DST: variants seen among roughly 807,000 people sequenced by gnomAD.
The protein encoded by DST is bullous pemphigoid antigen.
In DST, 253 loss-of-function variants were observed where a neutral mutation model predicts 875.2. The ratio of observed to expected loss-of-function variants is 0.29; its 90% CI spans 0.26 to 0.32. The LOEUF (loss-of-function observed/expected upper bound fraction) is 0.32. Ranked by LOEUF, DST falls within the 10% of genes least tolerant of loss-of-function variation. DST has a pLI of 1.00. For missense variants in DST, 8,287 were observed against 9,111.6 expected, an observed-to-expected ratio of 0.91 and a Z score of 3.68; for synonymous variants, 3,124 against 3,197.1, an observed-to-expected ratio of 0.98 and a Z score of 0.77.
intron 77 of DST, 140 bp from the exon 78 acceptor site, chr6:56,504,238 T>C (rs1383167647): frequency 1.6e-6 from 1 of 611,914 alleles, no homozygotes; most frequent in African/African-American, 1.9e-5. Context: ...TTAACATGGT[T>C]CACCTAAATT....
In DST at chr6:56,628,026, G is replaced by A. The variant is rs776953508; in HGVS notation, c.4611C>T (p.Thr1537=). 1 of 1,613,792 alleles carries A rather than the reference G, an allele frequency of 6.2e-7. No individual in the cohort carries two copies. The highest frequency in any genetic ancestry group is 1.3e-5 in the African/African-American group (1 of 75,000). Residue 1537 remains threonine (T), a synonymous_variant, in exon 33 of 104, where the codon ACC becomes ACT. Transcript: ENST00000680361. The part of the protein sequence containing the change: ...IQENQPENSK[T]LATQLNQQKM... Reference sequence around the variant, plus strand: ...TCTGTTGATTCAACTGTGTGGCTAGGGTTTTACTATTTTCAGGCTGATTTT... The same window carrying A: ...TCTGTTGATTCAACTGTGTGGCTAGAGTTTTACTATTTTCAGGCTGATTTT...
At position 56,570,210 on chromosome 6, in the gene DST, C is replaced by T. The variant is rs539288723; in HGVS notation, c.13722-198G>A. 1.8e-4 allele frequency among the ~76,000 whole-genome samples: 27 copies of T among 152,058 alleles called. No individual in the cohort carries two copies. The South Asian group carries it at 4.6e-3, about 26-fold the overall frequency. On this transcript the variant is annotated intron_variant, in intron 53 of 103. Transcript: ENST00000680361. ...CCTTTCAGGTACCAGGGACCAGTTT[C>T]GTAGAAGATAATTTTTTCCACAGGC...
chr6:56,528,770 C>T (rs2096845607), intron 67 of DST, 71 bp downstream of exon 67: 2 of 1,123,852 alleles, frequency 1.8e-6, no homozygotes, highest in Middle Eastern at 2.8e-4. Context: ...GGTTTTTTCC[C>T]ATCCCTAAAA....
chr6:56,557,372 C>G lies in DST; in HGVS notation c.14587G>C (p.Gly4863Arg). The change falls in exon 59 of 104, where the codon GGG becomes CGG. Residue 4863 changes from glycine (G) to arginine (R), a missense_variant. Coordinates refer to ENST00000680361, the MANE Select transcript of DST (RefSeq NM_001374736.1). ...VEKELMVSVLGPLSIDPNMLN... is the reference protein window; with the variant it reads ...VEKELMVSVLRPLSIDPNMLN... ...ATATTTGGGTCAATTGACAAGGGCC[C>G]AAGAACACTGACCATAAGTTCTTTT... The G allele has an allele frequency of 6.2e-7, 1 of 1,613,720 alleles. No individual in the cohort carries two copies. Among genetic ancestry groups the G allele is most frequent in the Non-Finnish European group, 8.5e-7 (1 of 1,179,712 alleles).
At chr6:56,490,958 A>G (rs1303605295) in intron 85 of DST, among the ~76,000 whole-genome samples, 1 of 152,220 alleles carries the variant, frequency 6.6e-6, no homozygotes, top group Non-Finnish European at 1.5e-5. Flanking sequence ...AGGAGGAAAA[A>G]GATGAGCAAC....
At chr6:56,529,326 C>A in intron 66 of DST, 122 bp downstream of exon 66, 2 of 852,580 alleles carry the variant, frequency 2.3e-6, no homozygotes, top group East Asian at 5.5e-5. Flanking sequence ...TATAAACAGT[C>A]TTTTTTTAAG....
In DST at chr6:56,608,380, G is replaced by A. The variant is rs771965496; in HGVS notation, c.6248C>T (p.Thr2083Ile). The A allele has an allele frequency of 6.2e-6, 10 of 1,613,062 alleles. No individual in the cohort carries two copies. The East Asian group carries it at 1.6e-4, about 25-fold the overall frequency. The change falls in exon 40 of 104, where the codon ACA becomes ATA. Residue 2083 changes from threonine (T) to isoleucine (I), a missense_variant. This residue lies in a region of DST where 3,138 missense variants were observed against 3,116.6 expected (regional missense o/e 1.01). Transcript: ENST00000680361. ...CAATTCTTGCTGCAAGGAAGATGAT[G>A]TGGGAAATATTTCACCAGAATGGGG... ...IWPHSGEIFP[T>I]SSSLQQELIT...
At chr6:56,619,039 T>C (rs1447887083) in intron 36 of DST, 1 of 1,614,220 alleles carries the variant, frequency 6.2e-7, no homozygotes, top group African/African-American at 1.3e-5. Flanking sequence ...GGTCACACTT[T>C]TGCTTAAATT....
At chr6:56,721,408 C>CT (rs1563863667) in intron 5 of DST, among the ~76,000 whole-genome samples, 2 of 152,226 alleles carry the variant, frequency 1.3e-5, no homozygotes, top group African/African-American at 4.8e-5. Context: ...AGGGTATTGA[C>CT]TGGGGAAGTG....
At chr6:56,702,885 G>C (rs2099316012) in intron 7 of DST, among the ~76,000 whole-genome samples, 1 of 152,132 alleles carries the variant, frequency 6.6e-6, no homozygotes, top group African/African-American at 2.4e-5. Flanking sequence ...GGTGCCATAA[G>C]AAAACAGACA....
intron 2 of DST, among the ~76,000 whole-genome samples, chr6:56,901,147 T>C (rs140810042): frequency 2.6e-5 from 4 of 152,028 alleles, no homozygotes; most frequent in Middle Eastern, 3.4e-3. Flanking sequence ...GCACAAAGGG[T>C]ATGGGTTTGG....
chr6:56,664,375 A>G lies in DST; in HGVS notation c.1214+6266T>C, dbSNP rs963484612. Among the ~76,000 whole-genome samples the G allele has an allele frequency of 2.0e-5, 3 of 152,192 alleles. No homozygotes were observed. The East Asian group carries it at 5.8e-4, about 29-fold the overall frequency. Reference sequence around the variant, plus strand: ...AAGTCAGAGCTTTACCTCTCTCAAAAAGAAGTCAATTTTACTGTGATGCCT... The same window carrying G: ...AAGTCAGAGCTTTACCTCTCTCAAAGAGAAGTCAATTTTACTGTGATGCCT... On this transcript the variant is annotated intron_variant, in intron 10 of 103. Coordinates refer to ENST00000680361, the MANE Select transcript of DST (RefSeq NM_001374736.1).
intron 9 of DST, among the ~76,000 whole-genome samples, chr6:56,672,212 C>G (rs921890036): frequency 6.6e-6 from 1 of 152,200 alleles, no homozygotes; most frequent in Non-Finnish European, 1.5e-5. Context: ...GCAGTGAAAG[C>G]CCTTGCCAGG....
In DST at chr6:56,458,604, G is replaced by T. The variant is rs2094174147; in HGVS notation, c.*401C>A. The T allele has an allele frequency of 6.4e-6, 1 of 155,594 alleles. No individual in the cohort carries two copies. The highest frequency in any genetic ancestry group is 6.5e-5 in the Admixed American group (1 of 15,464). 9.6% of individuals were successfully genotyped at this position (155,594 alleles called of 1,614,324 possible). On this transcript the variant is annotated 3_prime_UTR_variant, in exon 104 of 104. Transcript: ENST00000680361. The stretch of plus-strand genomic sequence containing the variant: ...TAAATCATCTCAAAAAATATCCCCT[G>T]CATGTATCATTCAGCTTCTCAGAGT...
chr6:56,876,423 A>G (rs1318159727), intron 3 of DST, among the ~76,000 whole-genome samples: 3 of 151,820 alleles, frequency 2.0e-5, no homozygotes, highest in Non-Finnish European at 4.4e-5. Flanking sequence ...CAAAAATGTG[A>G]CCTCCAATTT....
At chr6:56,476,760 T>C (rs2095213131) in intron 91 of DST, among the ~76,000 whole-genome samples, 1 of 152,120 alleles carries the variant, frequency 6.6e-6, no homozygotes, top group Non-Finnish European at 1.5e-5. Context: ...AAGATCAGCC[T>C]GACCAACCTG....
chr6:56,569,930 T>C lies in DST; in HGVS notation c.13804A>G (p.Thr4602Ala). ...VKSLKSWIKE[T>A]TKKVPIVQPS... ...TGTACAATGGGAACTTTTTTTGTTGTTTCTTTTATCCATGACTTCAATGAT... is the reference window on the plus strand; with the variant it reads ...TGTACAATGGGAACTTTTTTTGTTGCTTCTTTTATCCATGACTTCAATGAT... The change falls in exon 54 of 104, where the codon ACA (threonine) becomes GCA (alanine). Residue 4602 changes from threonine to alanine, a missense_variant. This residue lies in a region of DST where 1,513 missense variants were observed against 1,677.8 expected (regional missense o/e 0.90). Coordinates refer to ENST00000680361, the MANE Select transcript of DST (RefSeq NM_001374736.1). 6.2e-7 allele frequency: 1 copy of C among 1,611,930 alleles called. No individual in the cohort carries two copies. Among genetic ancestry groups the C allele is most frequent in the Non-Finnish European group, 8.5e-7 (1 of 1,179,176 alleles).
At chr6:56,711,064 C>A (rs1461252839) in intron 5 of DST, among the ~76,000 whole-genome samples, 1 of 151,882 alleles carries the variant, frequency 6.6e-6, no homozygotes, top group Admixed American at 6.6e-5. Flanking sequence ...GTGTCTACTT[C>A]TTTGGACCTG....
intron 3 of DST, among the ~76,000 whole-genome samples, chr6:56,891,744 A>C (rs958869476): frequency 6.7e-6 from 1 of 148,636 alleles, no homozygotes; most frequent in Non-Finnish European, 1.5e-5. Context: ...AAAAAAAAGA[A>C]AACTCCTCGG....
Sources: gnomAD v4.1 joint callset for allele counts (sites outside exome capture counted in the v4.1 genomes callset) on GRCh38, gnomAD v4.1.1 for gene constraint, gnomAD v4.1.1 regional missense constraint, MANE v1.5 for transcripts, NCBI Gene and HGNC (gene_info 2026-07-23, HGNC 2026-07-21) for gene names.